The following NEB variants were observed in gnomAD, a reference collection of about 807,000 sequenced individuals.
The protein encoded by NEB is nemaline myopathy type 2.
In NEB, 512 loss-of-function variants were observed where a neutral mutation model predicts 952.2. That is an observed-to-expected ratio of 0.54 (90% CI 0.50 to 0.58). The LOEUF is 0.58. Ranked by LOEUF, NEB falls within the 20% of genes least tolerant of loss-of-function variation. The pLI, the probability that NEB is intolerant of heterozygous loss-of-function variation, is 0.00. For synonymous variants in NEB, 2,900 were observed against 3,149.8 expected (o/e 0.92, Z 2.66); for missense variants, 8,428 against 9,231.1 (o/e 0.91, Z 3.56).
At chr2:151,720,030 G>T (rs1472223669) in intron 9 of NEB, among the ~76,000 whole-genome samples, 1 of 152,012 alleles carries the variant, frequency 6.6e-6, no homozygotes, top group African/African-American at 2.4e-5. Context: ...CTGCCAAGAA[G>T]TTTCAGACAA....
At chr2:151,669,953 C>A (rs1037961260) in intron 38 of NEB, among the ~76,000 whole-genome samples, 2 of 152,168 alleles carry the variant, frequency 1.3e-5, no homozygotes, top group Non-Finnish European at 2.9e-5. Flanking sequence ...AGGAAGCTGA[C>A]TCAGCAGAGG....
chr2:151,553,799 G>C (rs1458489836), intron 126 of NEB, 29 bp downstream of exon 126: 3 of 1,581,754 alleles, frequency 1.9e-6, no homozygotes, highest in Non-Finnish European at 1.7e-6. Context: ...CGGGGCCGTG[G>C]AGGGGTACTT....
intron 168 of NEB, among the ~76,000 whole-genome samples, chr2:151,500,406 T>TTGATATATTA (rs1186948262): frequency 1.5e-5 from 2 of 136,576 alleles, no homozygotes; most frequent in African/African-American, 5.3e-5. Context: ...ATATAGAAGC[T>TTGATATATTA]TCAGAGTTGT....
rs755578871 is a variant in NEB at position 151,654,060 on chromosome 2, CT to C, written c.6846del (p.Gly2283AlafsTer13). 2 of 1,610,946 alleles carry C rather than the reference CT, an allele frequency of 1.2e-6. No homozygotes were observed. The highest frequency in any genetic ancestry group is 1.7e-6 in the Non-Finnish European group (2 of 1,178,352). ...YKLGWEEALK[K>X]GYDLPVDAIS... Reference sequence around the variant, plus strand: ...ATTGCATCAACTGGGAGATCATAGCCTTTCTTCAAAGCTTCTTCCCATCCAA... The same window carrying C: ...ATTGCATCAACTGGGAGATCATAGCCTTCTTCAAAGCTTCTTCCCATCCAA... On this transcript the variant is annotated frameshift_variant, in exon 52 of 182. Coordinates refer to ENST00000397345, the MANE Select transcript of NEB (RefSeq NM_001164508.2). LOFTEE classifies it high-confidence loss of function.
chr2:151,631,176 C>T lies in NEB; in HGVS notation c.9585G>A (p.Val3195=), dbSNP rs1461143020. Reference sequence around the variant, plus strand: ...TGTTGAGAGCATTGTTCTTGGCCAGCACCTGCTCTAGAGAATCAGTCACAC... The same window carrying T: ...TGTTGAGAGCATTGTTCTTGGCCAGTACCTGCTCTAGAGAATCAGTCACAC... ...FTSVTDSLEQ[V]LAKNNALNMN... is the part of the protein sequence containing the mutation. The change falls in exon 66 of 182, where the codon GTG becomes GTA. Residue 3195 remains valine (V), a synonymous_variant. Transcript: ENST00000397345. The T allele has an allele frequency of 6.2e-7, 1 of 1,613,944 alleles. No individual in the cohort carries two copies. Among genetic ancestry groups the T allele is most frequent in the South Asian group, 1.1e-5 (1 of 91,086 alleles).
intron 72 of NEB, 103 bp downstream of exon 72, chr2:151,620,816 G>GCACT: frequency 1.2e-6 from 1 of 813,192 alleles, no homozygotes; most frequent in Non-Finnish European, 2.0e-6. Context: ...ATTTGCCTAT[G>GCACT]CACTGAAGGG....
At chr2:151,730,837 C>T (rs2099806099) in intron 3 of NEB, among the ~76,000 whole-genome samples, 2 of 152,076 alleles carry the variant, frequency 1.3e-5, no homozygotes, top group South Asian at 2.1e-4. Flanking sequence ...CTAGAACTTG[C>T]CTAATGTTCC....
chr2:151,675,398 T>C lies in NEB; in HGVS notation c.3775-7A>G. Reference sequence around the variant, plus strand: ...CTTTAGCCTTGTATAAGATCTGCAATAAAATGCATTTCACATAGTGCAAAA... The same window carrying C: ...CTTTAGCCTTGTATAAGATCTGCAACAAAATGCATTTCACATAGTGCAAAA... On this transcript the variant is annotated splice_polypyrimidine_tract_variant and splice_region_variant and intron_variant, in intron 34 of 181. Transcript: ENST00000397345. The C allele has an allele frequency of 6.5e-7, 1 of 1,528,652 alleles. No individual in the cohort carries two copies. The highest frequency in any genetic ancestry group is 8.9e-7 in the Non-Finnish European group (1 of 1,121,068). 94.7% of individuals were successfully genotyped at this position (1,528,652 alleles called of 1,614,324 possible). A position where few individuals can be genotyped will look rare whatever the true frequency, so the allele number is the denominator to read the frequency against.
chr2:151,640,666 A>T lies in NEB; in HGVS notation c.8374T>A (p.Phe2792Ile). 1 of 1,605,206 alleles carries T rather than the reference A, an allele frequency of 6.2e-7. No homozygotes were observed. The highest frequency in any genetic ancestry group is 8.5e-7 in the Non-Finnish European group (1 of 1,173,744). The change falls in exon 61 of 182, where the codon TTC (phenylalanine) becomes ATC (isoleucine). Residue 2792 changes from phenylalanine (F) to isoleucine (I), a missense_variant and splice_region_variant. Phe to Ile is a conservative substitution (Grantham distance 21). Coordinates refer to ENST00000397345, the MANE Select transcript of NEB (RefSeq NM_001164508.2). Reference sequence around the variant, plus strand: ...TTACGATAGCCTTCTTTGTACTTGAACTAAAAGAAGAAAAAGACAGATAGT... The same window carrying T: ...TTACGATAGCCTTCTTTGTACTTGATCTAAAAGAAGAAAAAGACAGATAGT... ...AKASRDIASE[F>I]KYKEGYRKQL...
In NEB at chr2:151,525,217, CATG is replaced by C. The variant is rs2085010560; in HGVS notation, c.22215_22217del (p.Ile7405del). ...CATGTTTCACCTCTGGTGGCTCCAG[CATG>C]ATGGAGTAGTTGGATTTTCCTTTCT... On this transcript the variant is annotated inframe_deletion, in exon 151 of 182. Transcript: ENST00000397345. 2 of 1,613,982 alleles carry C rather than the reference CATG, an allele frequency of 1.2e-6. No individual in the cohort carries two copies. The highest frequency in any genetic ancestry group is 1.7e-6 in the Non-Finnish European group (2 of 1,179,856).
chr2:151,655,408 AT>A (rs766651634), intron 50 of NEB, 34 bp from the exon 51 acceptor site: 1 of 1,272,550 alleles, frequency 7.9e-7, no homozygotes, highest in South Asian at 1.4e-5. Flanking sequence ...TGAAATTTGA[AT>A]AACTGGGACA....
chr2:151,533,452 A>C lies in NEB; in HGVS notation c.21407T>G (p.Met7136Arg). ...DMLTALYNSH[M>R]WSQIKYRKNY... ...CCCATCAGACATTACCTGGCTCCAC[A>C]TATGCGAATTGTAGAGAGCAGTCAA... The change falls in exon 143 of 182, where the codon ATG becomes AGG. Residue 7136 changes from methionine (M) to arginine (R), a missense_variant. Physicochemically the swap from Met to Arg is moderately conservative, Grantham distance 91. Transcript: ENST00000397345. The C allele has an allele frequency of 6.5e-7, 1 of 1,550,200 alleles. No homozygotes were observed. The highest frequency in any genetic ancestry group is 8.7e-7 in the Non-Finnish European group (1 of 1,145,492).
chr2:151,524,742 C>T, intron 151 of NEB, 126 bp from the exon 152 acceptor site: 1 of 723,176 alleles, frequency 1.4e-6, no homozygotes, highest in African/African-American at 2.0e-5. Flanking sequence ...TCTCAGCTCA[C>T]TGCAACTTCT....
chr2:151,556,338 C>T (rs920001535), intron 124 of NEB, among the ~76,000 whole-genome samples: 1 of 152,134 alleles, frequency 6.6e-6, no homozygotes, highest in African/African-American at 2.4e-5. Context: ...TTCTGTGAGA[C>T]ATTTGTGCCA....
intron 8 of NEB, among the ~76,000 whole-genome samples, chr2:151,723,861 C>T (rs1457413635): frequency 6.7e-6 from 1 of 148,210 alleles, no homozygotes; most frequent in Non-Finnish European, 1.5e-5. Flanking sequence ...TAGTTCAGGG[C>T]AATATAGGAC....
chr2:151,581,665 A>G (rs1039065038), intron 102 of NEB, 78 bp from the exon 103 acceptor site: 110 of 1,489,996 alleles, frequency 7.4e-5, no homozygotes, highest in Admixed American at 2.6e-4. Context: ...ATAAAGTCAT[A>G]AAACATACTT....
chr2:151,519,448 G>A (rs995069187), intron 154 of NEB, among the ~76,000 whole-genome samples: 7 of 152,202 alleles, frequency 4.6e-5, no homozygotes, highest in African/African-American at 1.2e-4. Context: ...ACAAAAAGTA[G>A]ATAAGAGGTT....
Position 151,568,610 on chromosome 2 carries a change from ATACT to A in NEB, c.17634+4_17634+7del. ...CACTGTGAGATTTTAAAACAGCCAT[ATACT>A]TACATCATCGAGGATCTCGCCACTT... On this transcript the variant is annotated splice_donor_5th_base_variant and intron_variant, in intron 111 of 181. Transcript: ENST00000397345. 1 of 1,594,282 alleles carries A rather than the reference ATACT, an allele frequency of 6.3e-7. No homozygotes were observed. Among genetic ancestry groups the A allele is most frequent in the Non-Finnish European group, 8.6e-7 (1 of 1,166,900 alleles).
chr2:151,519,120 G>A lies in NEB; in HGVS notation c.22591-51C>T, dbSNP rs2080150730. ...AATCACGTAAATAGGAAATGGAACA[G>A]CACTAATGGAAATCAAAGTGAGATA... On this transcript the variant is annotated intron_variant, in intron 154 of 181. Transcript: ENST00000397345. The A allele has an allele frequency of 2.6e-6, 3 of 1,173,866 alleles. No individual in the cohort carries two copies. In the Admixed American group the frequency reaches 5.3e-5, roughly 21 times the overall value. The allele number at this position is 1,173,866 out of a possible 1,614,324, so 72.7% of individuals were successfully genotyped here.
Sources: gnomAD v4.1 joint callset for allele counts (sites outside exome capture counted in the v4.1 genomes callset) on GRCh38, gnomAD v4.1.1 for gene constraint, MANE v1.5 for transcripts, NCBI Gene and HGNC (gene_info 2026-07-23, HGNC 2026-07-21) for gene names.